Variants in GALNT17 observed in about 807,000 individuals in gnomAD.
GALNT17 encodes UDP-GalNAc:polypeptide N-acetylgalactosaminyltransferase-like 3.
In GALNT17, 29 loss-of-function variants were observed where a neutral mutation model predicts 63.7. The observed-to-expected ratio is 0.46, with a 90% CI of 0.34 to 0.62. The LOEUF (loss-of-function observed/expected upper bound fraction) is 0.62. Among genes scored for constraint, GALNT17 ranks in the 20% least tolerant of loss-of-function variants. The pLI is 0.01. For synonymous variants in GALNT17, 305 were observed against 318.3 expected (o/e 0.96, Z 0.45); for missense variants, 603 against 799.6 (o/e 0.75, Z 2.97).
chr7:71,458,119 T>G (rs564636018), intron 5 of GALNT17, among the ~76,000 whole-genome samples: 1 of 152,132 alleles, frequency 6.6e-6, no homozygotes, highest in African/African-American at 2.4e-5. Context: ...CTGCCAGGGC[T>G]CAGGCAGCAG....
chr7:71,298,711 G>GGGGGGTGTGT (rs912627816), intron 1 of GALNT17, among the ~76,000 whole-genome samples: 16 of 141,490 alleles, frequency 1.1e-4, no homozygotes, highest in African/African-American at 4.1e-4. Context: ...ATTCCAGTGG[G>GGGGGGTGTGT]GTGTGTGTGT....
At chr7:71,458,876 A>G (rs1245664682) in intron 5 of GALNT17, among the ~76,000 whole-genome samples, 1 of 151,986 alleles carries the variant, frequency 6.6e-6, no homozygotes, top group Admixed American at 6.6e-5. Flanking sequence ...TTCGGGGTTT[A>G]TATGGGTACA....
intron 1 of GALNT17, among the ~76,000 whole-genome samples, chr7:71,207,394 C>T (rs970821072): frequency 6.6e-6 from 1 of 152,114 alleles, no homozygotes; most frequent in Non-Finnish European, 1.5e-5. Flanking sequence ...CTCCTTTCTG[C>T]CCCCATGTCC....
chr7:71,476,888 T>C lies in GALNT17; in HGVS notation c.962+55783T>C, dbSNP rs373052525. On this transcript the variant is annotated intron_variant, in intron 5 of 10. Coordinates refer to ENST00000333538, the MANE Select transcript of GALNT17 (RefSeq NM_022479.3). ...CCTTAGCAAGTGTGAGGTTCTGTGA[T>C]TTTCAAAGGACATCTTTCAGATCCC... 2.5e-4 allele frequency among the ~76,000 whole-genome samples: 38 copies of C among 152,152 alleles called. 1 individual carries two copies. In the South Asian group the frequency reaches 7.7e-3, roughly 31 times the overall value.
chr7:71,299,865 A>C (rs184616539), intron 1 of GALNT17, among the ~76,000 whole-genome samples: 32 of 152,128 alleles, frequency 2.1e-4, no homozygotes, highest in African/African-American at 6.3e-4. Flanking sequence ...TCCCGGGTTC[A>C]AGTGATTCTC....
chr7:71,220,449 T>C (rs1279682077), intron 1 of GALNT17, among the ~76,000 whole-genome samples: 1 of 152,198 alleles, frequency 6.6e-6, no homozygotes, highest in Non-Finnish European at 1.5e-5. Context: ...GTACGTGACT[T>C]TCATAACATC....
At chr7:71,207,900 A>G (rs1264914032) in intron 1 of GALNT17, among the ~76,000 whole-genome samples, 5 of 151,972 alleles carry the variant, frequency 3.3e-5, no homozygotes, top group African/African-American at 1.2e-4. Flanking sequence ...TATACAAGCA[A>G]TGAGGTGGAC....
chr7:71,526,841 T>C (rs1434410532), intron 5 of GALNT17, among the ~76,000 whole-genome samples: 5 of 152,154 alleles, frequency 3.3e-5, no homozygotes, highest in Admixed American at 6.6e-5. Flanking sequence ...ATCCCCTCCC[T>C]GACTGCCAGT....
intron 3 of GALNT17, among the ~76,000 whole-genome samples, chr7:71,401,112 C>G (rs1410829912): frequency 1.1e-5 from 1 of 92,956 alleles, no homozygotes; most frequent in South Asian, 3.0e-4. Context: ...TTTTTTTTTT[C>G]TGAGACAGGT....
chr7:71,230,769 C>T (rs1789773441), intron 1 of GALNT17, among the ~76,000 whole-genome samples: 1 of 152,122 alleles, frequency 6.6e-6, no homozygotes, highest in Non-Finnish European at 1.5e-5. Context: ...TTTGGTTTTT[C>T]AGATCCCCTT....
intron 9 of GALNT17, among the ~76,000 whole-genome samples, chr7:71,682,633 C>T (rs534682897): frequency 1.3e-5 from 2 of 152,284 alleles, no homozygotes; most frequent in East Asian, 3.9e-4. Context: ...CAGCCTTGAC[C>T]TCCTAGGCTC....
chr7:71,522,327 C>T (rs563927265), intron 5 of GALNT17, among the ~76,000 whole-genome samples: 1 of 152,242 alleles, frequency 6.6e-6, no homozygotes, highest in Non-Finnish European at 1.5e-5. Flanking sequence ...TGTATTAGTT[C>T]ATTTTAATGC....
intron 1 of GALNT17, among the ~76,000 whole-genome samples, chr7:71,146,748 C>G (rs74505582): frequency 0.027 from 4,110 of 152,320 alleles, 87 homozygotes; most frequent in Non-Finnish European, 0.04. Context: ...GGCTGAGCCA[C>G]TGATAGAGAA....
chr7:71,707,511 C>CAGG (rs1791737924), intron 9 of GALNT17, among the ~76,000 whole-genome samples: 13 of 152,346 alleles, frequency 8.5e-5, no homozygotes, highest in Admixed American at 8.5e-4. Context: ...TGCTGCATAA[C>CAGG]AACTACCCCA....
intron 6 of GALNT17, among the ~76,000 whole-genome samples, chr7:71,580,434 T>TAGAC (rs1789619229): frequency 6.6e-6 from 1 of 150,844 alleles, no homozygotes; most frequent in Non-Finnish European, 1.5e-5. Flanking sequence ...GATAGATAGA[T>TAGAC]AGATAGATAG....
chr7:71,283,360 T>C (rs1790812239), intron 1 of GALNT17, among the ~76,000 whole-genome samples: 1 of 152,160 alleles, frequency 6.6e-6, no homozygotes, highest in Admixed American at 6.5e-5. Context: ...TTTTTTGTGG[T>C]TCAAATTTTT....
chr7:71,448,602 C>T (rs528360015), intron 5 of GALNT17, among the ~76,000 whole-genome samples: 9 of 152,150 alleles, frequency 5.9e-5, no homozygotes, highest in Non-Finnish European at 1.3e-4. Flanking sequence ...TGCCATAACA[C>T]TCAGTACTTG....
chr7:71,245,848 G>GTTTTTTTTTTTTTTTTT (rs542136452), intron 1 of GALNT17, among the ~76,000 whole-genome samples: 16 of 122,878 alleles, frequency 1.3e-4, no homozygotes, highest in East Asian at 2.3e-4. Flanking sequence ...AAGAGAGCAG[G>GTTTTTTTTTTTTTTTTT]TTTTTTTTTT....
chr7:71,329,744 G>A (rs1243259447), intron 1 of GALNT17, among the ~76,000 whole-genome samples: 1 of 151,912 alleles, frequency 6.6e-6, no homozygotes, highest in African/African-American at 2.4e-5. Context: ...CAGCAAGAGG[G>A]AAATTCGACC....
Sources: gnomAD v4.1 joint callset for allele counts (sites outside exome capture counted in the v4.1 genomes callset) on GRCh38, gnomAD v4.1.1 for gene constraint, MANE v1.5 for transcripts, NCBI Gene and HGNC (gene_info 2026-07-23, HGNC 2026-07-21) for gene names.